CPLANE1: variants seen among roughly 807,000 people sequenced by gnomAD.
CPLANE1 encodes ciliogenesis and planar polarity effector complex subunit 1, also known as ciliogenesis and planar polarity effector 1.
A neutral mutation model predicts 362.5 loss-of-function variants in CPLANE1; 263 were observed. That is an observed-to-expected ratio of 0.73 (90% CI 0.66 to 0.80). The LOEUF (loss-of-function observed/expected upper bound fraction) is 0.80, where lower values mean the gene tolerates loss of function less well. Among genes scored for constraint, CPLANE1 ranks in the 30% least tolerant of loss-of-function variants. The pLI, the probability that CPLANE1 is intolerant of heterozygous loss-of-function variation, is 0.00. For synonymous variants in CPLANE1, 1,212 were observed against 1,302.6 expected, an observed-to-expected ratio of 0.93 and a Z score of 1.50; for missense variants, 3,461 against 3,793.4, an observed-to-expected ratio of 0.91 and a Z score of 2.30.
intron 15 of CPLANE1, among the ~76,000 whole-genome samples, chr5:37,215,206 C>T (rs1430665276): frequency 2.0e-5 from 3 of 151,980 alleles, no homozygotes; most frequent in Non-Finnish European, 2.9e-5. Context: ...CGTGCCACCA[C>T]GCCCGGCTAA....
chr5:37,186,239 T>A (rs1783949194), intron 24 of CPLANE1, 47 bp downstream of exon 24: 1 of 946,368 alleles, frequency 1.1e-6, no homozygotes, highest in Non-Finnish European at 1.7e-6. Context: ...AAAAAGGGAA[T>A]CTTCTGCAAT....
At chr5:37,185,733 T>C (rs1180427205) in intron 24 of CPLANE1, among the ~76,000 whole-genome samples, 1 of 152,174 alleles carries the variant, frequency 6.6e-6, no homozygotes, top group East Asian at 1.9e-4. Flanking sequence ...TCTTTAAAAA[T>C]TCTGCAACAT....
chr5:37,138,857 G>C lies in CPLANE1; in HGVS notation c.8664-9C>G, dbSNP rs1207056387. On this transcript the variant is annotated splice_polypyrimidine_tract_variant and intron_variant, in intron 45 of 52. Transcript: ENST00000651892. ...GCGGATGTACTGAAACACTTCATTTGCAAATGTAATTTAAGAAATATAAAT... is the reference window on the plus strand; with the variant it reads ...GCGGATGTACTGAAACACTTCATTTCCAAATGTAATTTAAGAAATATAAAT... The C allele has an allele frequency of 6.3e-7, 1 of 1,592,186 alleles. No individual in the cohort carries two copies. The highest frequency in any genetic ancestry group is 1.4e-5 in the African/African-American group (1 of 73,744).
chr5:37,158,396 C>T, intron 38 of CPLANE1, 51 bp from the exon 39 acceptor site: 1 of 1,541,640 alleles, frequency 6.5e-7, no homozygotes, highest in Non-Finnish European at 8.8e-7. Flanking sequence ...AGGCTGTAAA[C>T]TGCTCCAAAT....
chr5:37,085,015 C>T, the CPLANE1 span: 111 of 602,552 alleles, frequency 1.8e-4, no homozygotes, highest in East Asian at 2.8e-3. Flanking sequence ...AATTCTTACA[C>T]ACACCGGAAG....
Position 37,213,715 on chromosome 5 carries a change from A to G in CPLANE1, c.2764T>C (p.Phe922Leu), listed in dbSNP as rs908372887. 2 of 1,513,378 alleles carry G rather than the reference A, an allele frequency of 1.3e-6. No individual in the cohort carries two copies. The highest frequency in any genetic ancestry group is 1.8e-6 in the Non-Finnish European group (2 of 1,123,818). The allele number at this position is 1,513,378 out of a possible 1,614,324, so 93.7% of individuals were successfully genotyped here. The change falls in exon 16 of 53, where the codon TTT becomes CTT. Residue 922 changes from phenylalanine to leucine, a missense_variant. By Grantham distance (22) the Phe-to-Leu change is conservative (BLOSUM62 0). Coordinates refer to ENST00000651892, the MANE Select transcript of CPLANE1 (RefSeq NM_001384732.1). ...KDFSGAAKSHFECGMVGGVHP... is the reference protein window; with the variant it reads ...KDFSGAAKSHLECGMVGGVHP... ...ACACCGCCCACCATTCCACACTCAA[A>G]ATGAGACTTTGCAGCACCTAAGGAA... is the stretch of plus-strand genomic sequence containing the variant.
chr5:37,150,230 T>A (rs1773097387), intron 42 of CPLANE1, among the ~76,000 whole-genome samples: 1 of 152,050 alleles, frequency 6.6e-6, no homozygotes, highest in African/African-American at 2.4e-5. Context: ...TTCTCCTGAG[T>A]CTCTTATGAC....
At chr5:37,086,738 G>C in the CPLANE1 span, among the ~76,000 whole-genome samples, 2 of 152,154 alleles carry the variant, frequency 1.3e-5, no homozygotes, top group African/African-American at 4.8e-5. Context: ...GCGAGTCAGG[G>C]CCGGGGCTGA....
intron 20 of CPLANE1, among the ~76,000 whole-genome samples, chr5:37,198,211 A>T (rs1788106131): frequency 6.6e-6 from 1 of 152,204 alleles, no homozygotes; most frequent in African/African-American, 2.4e-5. Context: ...AAGTCAATAT[A>T]GAAGGGGATG....
chr5:37,097,146 C>T, the CPLANE1 span, among the ~76,000 whole-genome samples: 6 of 151,962 alleles, frequency 3.9e-5, no homozygotes, highest in Non-Finnish European at 7.4e-5. Flanking sequence ...GCCAGGAGTT[C>T]GAGACCAGCC....
chr5:37,215,458 T>C (rs1580804399), intron 15 of CPLANE1, among the ~76,000 whole-genome samples: 1 of 152,198 alleles, frequency 6.6e-6, no homozygotes, highest in East Asian at 1.9e-4. Context: ...CTATTTATGT[T>C]ACCAGTAAGG....
chr5:37,175,335 AG>A (rs1351305779), intron 31 of CPLANE1, among the ~76,000 whole-genome samples: 1 of 152,216 alleles, frequency 6.6e-6, no homozygotes, highest in East Asian at 1.9e-4. Context: ...TCTGGGTATG[AG>A]GACTCATGCA....
At chr5:37,186,955 G>T (rs1211738685) in intron 23 of CPLANE1, among the ~76,000 whole-genome samples, 1 of 150,716 alleles carries the variant, frequency 6.6e-6, no homozygotes, top group African/African-American at 2.4e-5. Context: ...CAGCTGCTCG[G>T]AAGGCTGAGG....
chr5:37,150,485 T>C (rs984339097), intron 42 of CPLANE1, among the ~76,000 whole-genome samples: 10 of 151,916 alleles, frequency 6.6e-5, no homozygotes, highest in African/African-American at 2.4e-4. Context: ...ATGTCCCTGA[T>C]AGAAATCATT....
intron 20 of CPLANE1, among the ~76,000 whole-genome samples, chr5:37,198,133 G>C (rs182304586): frequency 2.6e-5 from 4 of 152,212 alleles, no homozygotes; most frequent in Non-Finnish European, 5.9e-5. Flanking sequence ...TTTTCAGCTA[G>C]ATAAAAAGAC....
In CPLANE1 at chr5:37,192,681, G is replaced by A. The variant is rs895877011; in HGVS notation, c.3811+3177C>T. ...AGATTGAGACCATCCTGGCTAACAC[G>A]GTGAAACCCCGTCTCTACTAAAAAT... On this transcript the variant is annotated intron_variant, in intron 21 of 52. Transcript: ENST00000651892. Among the ~76,000 whole-genome samples the A allele has an allele frequency of 2.0e-5, 3 of 151,390 alleles. 1 individual carries two copies. Among genetic ancestry groups the A allele is most frequent in the African/African-American group, 4.9e-5 (2 of 41,186 alleles).
intron 12 of CPLANE1, among the ~76,000 whole-genome samples, chr5:37,225,010 C>G (rs1287326375): frequency 1.3e-5 from 2 of 150,160 alleles, no homozygotes; most frequent in Non-Finnish European, 2.9e-5. Context: ...ATCTCAAACT[C>G]CTGGGCCCAA....
intron 50 of CPLANE1, 147 bp downstream of exon 50, chr5:37,120,069 C>G: frequency 1.4e-6 from 1 of 716,202 alleles, no homozygotes; most frequent in Non-Finnish European, 2.2e-6. Context: ...AAAATTACAG[C>G]TAAGTCTTTA....
intron 36 of CPLANE1, 129 bp from the exon 37 acceptor site, chr5:37,164,456 G>A: frequency 1.6e-6 from 1 of 630,714 alleles, no homozygotes; most frequent in East Asian, 2.7e-5. Flanking sequence ...CTAGACATAA[G>A]TATTCTATCA....
Sources: allele counts gnomAD v4.1 joint callset (sites outside exome capture counted in the v4.1 genomes callset), GRCh38; gene constraint gnomAD v4.1.1; transcripts MANE v1.5; gene names NCBI Gene and HGNC (gene_info 2026-07-23, HGNC 2026-07-21).